The following HYKK variants were observed in gnomAD, a reference collection of about 807,000 sequenced individuals.
The protein encoded by HYKK is hydroxylysine kinase.
HYKK carries 19 observed loss-of-function variants against 29.7 expected under a neutral mutation model. That is an observed-to-expected ratio of 0.64 (90% confidence interval 0.45 to 0.94). HYKK has a LOEUF of 0.94. Ranked by LOEUF, HYKK falls within the 40% of genes least tolerant of loss-of-function variation. HYKK has a pLI of 0.00. For synonymous variants in HYKK, 152 were observed against 158.1 expected, an observed-to-expected ratio of 0.96 and a Z score of 0.29; for missense variants, 390 against 443.4, an observed-to-expected ratio of 0.88 and a Z score of 1.08.
At chr15:78,512,319 C>T (rs189703761) in intron 1 of HYKK, among the ~76,000 whole-genome samples, 6 of 151,270 alleles carry the variant, frequency 4.0e-5, no homozygotes, top group South Asian at 2.1e-4. Flanking sequence ...TAACCTAAGA[C>T]GGTAGGAATA....
intron 4 of HYKK, chr15:78,528,922 G>C (rs1472186019): frequency 1.1e-6 from 1 of 888,336 alleles, no homozygotes; most frequent in Admixed American, 6.2e-5. Flanking sequence ...CGTAAAAACA[G>C]AGTTGATTTT....
rs56292317 is a variant in HYKK, at chr15:78,535,268, C to CATTTA, written c.*1598_*1599insATTTA. ...TTTGTCCCTCAATTTCATTTCATTTCTTTTTCTTTTCTTTTCTTTTCTTTT... is the reference window on the plus strand; with the variant it reads ...TTTGTCCCTCAATTTCATTTCATTTCATTTATTTTTCTTTTCTTTTCTTTTCTTTT... On this transcript the variant is annotated 3_prime_UTR_variant, in exon 5 of 5. Coordinates refer to ENST00000388988, the MANE Select transcript of HYKK (RefSeq NM_001013619.4). 1 of 131,006 alleles carries CATTTA rather than the reference C, an allele frequency of 7.6e-6. No homozygotes were observed. Among genetic ancestry groups the CATTTA allele is most frequent in the Non-Finnish European group, 1.6e-5 (1 of 61,382 alleles). 8.1% of individuals were successfully genotyped at this position (131,006 alleles called of 1,614,324 possible).
chr15:78,533,537 A>C lies in HYKK; in HGVS notation c.989A>C (p.Asn330Thr). 6.2e-7 allele frequency: 1 copy of C among 1,614,252 alleles called. No homozygotes were observed. The highest frequency in any genetic ancestry group is 1.6e-4 in the Middle Eastern group (1 of 6,062). Residue 330 changes from asparagine to threonine, a missense_variant, in exon 5 of 5, where the codon AAC becomes ACC. Physicochemically the swap from Asn to Thr is moderately conservative, Grantham distance 65. Transcript: ENST00000388988. ...AAYSCQLYPENKDYLMVTAKT... is the reference protein window; with the variant it reads ...AAYSCQLYPETKDYLMVTAKT... Reference sequence around the variant, plus strand: ...TACTCTTGCCAGCTATACCCAGAGAACAAAGACTATCTCATGGTTACTGCA... The same window carrying C: ...TACTCTTGCCAGCTATACCCAGAGACCAAAGACTATCTCATGGTTACTGCA...
At chr15:78,508,713 A>C (rs1375043951) in intron 1 of HYKK, among the ~76,000 whole-genome samples, 2 of 151,978 alleles carry the variant, frequency 1.3e-5, no homozygotes, top group Non-Finnish European at 2.9e-5. Context: ...GTGAGTGGGC[A>C]ACATAGCGAG....
intron 3 of HYKK, among the ~76,000 whole-genome samples, chr15:78,520,444 AC>A (rs1447417890): frequency 6.6e-6 from 1 of 152,042 alleles, no homozygotes; most frequent in South Asian, 2.1e-4. Context: ...ATGACTCTTA[AC>A]GAGCATGCTG....
intron 3 of HYKK, among the ~76,000 whole-genome samples, chr15:78,520,813 G>A (rs34684276): frequency 0.24 from 35,641 of 150,818 alleles, 5,250 homozygotes; most frequent in Middle Eastern, 0.39. Flanking sequence ...CAGTAGGGGC[G>A]GCCGGGCAGA....
Position 78,533,193 on chromosome 15 carries a change from G to T in HYKK, c.662-17G>T. 2 of 1,479,058 alleles carry T rather than the reference G, an allele frequency of 1.4e-6. No individual in the cohort carries two copies. The highest frequency in any genetic ancestry group is 4.5e-5 in the East Asian group (2 of 44,296). The allele number at this position is 1,479,058 out of a possible 1,614,324, so 91.6% of individuals were successfully genotyped here. On this transcript the variant is annotated splice_polypyrimidine_tract_variant and intron_variant, in intron 4 of 4. Coordinates refer to ENST00000388988, the MANE Select transcript of HYKK (RefSeq NM_001013619.4). ...GGATATTCAATAACTGTTTTTACAT[G>T]ATTTTTCTACTTTCAGGTATCAATC...
At chr15:78,522,114 T>A (rs1433906100) in intron 3 of HYKK, among the ~76,000 whole-genome samples, 1 of 152,070 alleles carries the variant, frequency 6.6e-6, no homozygotes, top group Non-Finnish European at 1.5e-5. Flanking sequence ...CCAGCTATTT[T>A]ACTTTCTTTA....
chr15:78,512,400 C>CTTTTTTTTTTTTTTTTTTTTTTT (rs902963099), intron 1 of HYKK, among the ~76,000 whole-genome samples: 32 of 125,662 alleles, frequency 2.5e-4, no homozygotes, highest in Non-Finnish European at 3.9e-4. Context: ...TTTTCTTTTT[C>CTTTTTTTTTTTTTTTTTTTTTTT]TTTTTTTTTT....
chr15:78,520,840 C>T (rs1030744642), intron 3 of HYKK, among the ~76,000 whole-genome samples: 1 of 151,402 alleles, frequency 6.6e-6, no homozygotes, highest in Non-Finnish European at 1.5e-5. Context: ...CCTCACCTCC[C>T]GGACGGGGCA....
intron 3 of HYKK, among the ~76,000 whole-genome samples, chr15:78,521,616 A>G (rs944050894): frequency 5.3e-5 from 8 of 152,078 alleles, no homozygotes; most frequent in African/African-American, 1.9e-4. Context: ...AAAGCCGGAG[A>G]AGTCAGGCAG....
At chr15:78,530,368 T>C (rs1404215337) in intron 4 of HYKK, among the ~76,000 whole-genome samples, 1 of 152,072 alleles carries the variant, frequency 6.6e-6, no homozygotes, top group African/African-American at 2.4e-5. Context: ...GCCTGGCTAC[T>C]TTTTTTGTAT....
At chr15:78,521,982 CT>C (rs781592743) in intron 3 of HYKK, among the ~76,000 whole-genome samples, 492 of 140,640 alleles carry the variant, frequency 3.5e-3, no homozygotes, top group Middle Eastern at 3.7e-3. Context: ...CTTTCTTCTT[CT>C]TTTTTTTTTT....
intron 3 of HYKK, 85 bp downstream of exon 3, chr15:78,515,192 CTT>C (rs1404434000): frequency 9.5e-7 from 1 of 1,048,296 alleles, no homozygotes; most frequent in Non-Finnish European, 1.3e-6. Flanking sequence ...ATCAGATTCT[CTT>C]TTTATGTATG....
intron 1 of HYKK, among the ~76,000 whole-genome samples, chr15:78,510,331 C>T (rs1046701561): frequency 2.6e-5 from 4 of 151,760 alleles, no homozygotes; most frequent in Non-Finnish European, 5.9e-5. Context: ...TTATAGGCGC[C>T]GGCCACCATG....
intron 3 of HYKK, among the ~76,000 whole-genome samples, chr15:78,520,395 GTGTT>G (rs2052180315): frequency 6.6e-6 from 1 of 152,124 alleles, no homozygotes; most frequent in African/African-American, 2.4e-5. Flanking sequence ...GCCTTCCACA[GTGTT>G]TGTGTCCCTG....
At chr15:78,529,572 T>C (rs11632604) in intron 4 of HYKK, among the ~76,000 whole-genome samples, 47,954 of 152,162 alleles carry the variant, frequency 0.32, 8,579 homozygotes, top group Non-Finnish European at 0.42. Context: ...TCTAAAATTT[T>C]TCTCAATCTG....
chr15:78,522,581 AG>A (rs2052209104), intron 3 of HYKK, among the ~76,000 whole-genome samples: 4 of 148,804 alleles, frequency 2.7e-5, no homozygotes, highest in Middle Eastern at 3.2e-3. Context: ...AAAAAAAAAA[AG>A]GGAAGACTCC....
At chr15:78,523,675 T>C (rs1351818448) in intron 3 of HYKK, among the ~76,000 whole-genome samples, 1 of 152,200 alleles carries the variant, frequency 6.6e-6, no homozygotes, top group East Asian at 1.9e-4. Flanking sequence ...CCCTTCTGCC[T>C]ATGAGCCTAT....
Sources: gnomAD v4.1 joint callset for allele counts (sites outside exome capture counted in the v4.1 genomes callset) on GRCh38, gnomAD v4.1.1 for gene constraint, MANE v1.5 for transcripts, NCBI Gene and HGNC (gene_info 2026-07-23, HGNC 2026-07-21) for gene names.